Variants in ZNF484 observed in about 807,000 individuals in gnomAD.
The protein encoded by ZNF484 is zinc finger protein 484, also known as KRAB box containing C2H2 type zinc finger bA526D8.4.
In ZNF484, 11 loss-of-function variants were observed where a neutral mutation model predicts 12.9. That is an observed-to-expected ratio of 0.85 (90% CI 0.54 to 1.41). ZNF484 has a LOEUF of 1.41. ZNF484 is among the 40% of genes most tolerant of loss of function. The probability of loss-of-function intolerance (pLI) is 0.00; values close to 1 mark genes in which losing one functional copy is unlikely to be tolerated. For missense variants in ZNF484, 807 were observed against 1,007.7 expected, an observed-to-expected ratio of 0.80 and a Z score of 2.70; for synonymous variants, 289 against 334.1, an observed-to-expected ratio of 0.86 and a Z score of 1.47.
intron 2 of ZNF484, among the ~76,000 whole-genome samples, chr9:92,859,924 C>T (rs1856679607): frequency 6.6e-6 from 1 of 151,192 alleles, no homozygotes; most frequent in Admixed American, 6.6e-5. Flanking sequence ...ATGGACAGCA[C>T]TTACTTCTCC....
At chr9:92,869,263 A>G (rs1049732179) in intron 2 of ZNF484, among the ~76,000 whole-genome samples, 1 of 152,166 alleles carries the variant, frequency 6.6e-6, no homozygotes, top group Non-Finnish European at 1.5e-5. Context: ...TATAATATAT[A>G]TTGTACATGT....
rs1478647605 is a variant in ZNF484 at position 92,847,499 on chromosome 9, G to A, written c.1288C>T (p.His430Tyr). Residue 430 changes from histidine (H) to tyrosine (Y), a missense_variant, in exon 5 of 5, where the codon CAT becomes TAT. Coordinates refer to ENST00000375495, the MANE Select transcript of ZNF484 (RefSeq NM_031486.4). ...AFIRKSHFIT[H>Y]ERIHTGEKPY... Reference sequence around the variant, plus strand: ...TTTTCTCCAGTATGAATTCTTTCATGTGTGATAAAATGTGACTTCCGGATA... The same window carrying A: ...TTTTCTCCAGTATGAATTCTTTCATATGTGATAAAATGTGACTTCCGGATA... The A allele has an allele frequency of 1.2e-6, 2 of 1,612,904 alleles. No homozygotes were observed. The highest frequency in any genetic ancestry group is 2.2e-5 in the East Asian group (1 of 44,862).
chr9:92,856,333 A>C lies in ZNF484; in HGVS notation c.16-15T>G. 1.9e-6 allele frequency: 3 copies of C among 1,538,698 alleles called. No homozygotes were observed. The highest frequency in any genetic ancestry group is 2.3e-5 in the East Asian group (1 of 44,170). ...GACACTGATTCCTGTTAAAAAAAAA[A>C]AACAAACTTTAAAATAATTTTTTAA... On this transcript the variant is annotated splice_polypyrimidine_tract_variant and intron_variant, in intron 2 of 4. Coordinates refer to ENST00000375495, the MANE Select transcript of ZNF484 (RefSeq NM_031486.4).
Position 92,878,023 on chromosome 9 carries a change from G to A in ZNF484, c.-164C>T, listed in dbSNP as rs2118348696. On this transcript the variant is annotated 5_prime_UTR_variant, in exon 1 of 5. The change creates a premature stop within an existing upstream ORF in the 5' untranslated region. Coordinates refer to ENST00000375495, the MANE Select transcript of ZNF484 (RefSeq NM_031486.4). ...GCCTAGAGGTACTTCTTACAGCGCT[G>A]CCTGGGTTTGCGCATGCTCAGCAGT... is the stretch of plus-strand genomic sequence containing the variant. 1 of 652,228 alleles carries A rather than the reference G, an allele frequency of 1.5e-6. No homozygotes were observed. Among genetic ancestry groups the A allele is most frequent in the Non-Finnish European group, 2.5e-6 (1 of 393,078 alleles). 40.4% of individuals were successfully genotyped at this position (652,228 alleles called of 1,614,324 possible).
intron 1 of ZNF484, among the ~76,000 whole-genome samples, chr9:92,875,344 G>A (rs914435576): frequency 1.4e-4 from 21 of 152,124 alleles, no homozygotes; most frequent in African/African-American, 4.6e-4. Flanking sequence ...GTTCTATTAC[G>A]TTATTATACT....
intron 2 of ZNF484, among the ~76,000 whole-genome samples, chr9:92,861,213 A>G (rs187980679): frequency 8.5e-5 from 13 of 152,234 alleles, no homozygotes; most frequent in Non-Finnish European, 1.3e-4. Flanking sequence ...AGAAAACAGA[A>G]TCTCATAACA....
intron 4 of ZNF484, among the ~76,000 whole-genome samples, chr9:92,849,424 C>T (rs546613335): frequency 3.9e-5 from 6 of 151,942 alleles, no homozygotes; most frequent in Admixed American, 6.5e-5. Flanking sequence ...AATATTAATA[C>T]TAACATTTAT....
intron 2 of ZNF484, among the ~76,000 whole-genome samples, chr9:92,867,290 A>G (rs1294835996): frequency 6.6e-6 from 1 of 152,164 alleles, no homozygotes; most frequent in Non-Finnish European, 1.5e-5. Flanking sequence ...CCTCCTGGCT[A>G]ACACAGTGAA....
chr9:92,856,393 A>T, intron 2 of ZNF484, 75 bp from the exon 3 acceptor site: 1 of 1,237,732 alleles, frequency 8.1e-7, no homozygotes. Context: ...AAAACCTTTC[A>T]ATGTGAAGGA....
At position 92,846,363 on chromosome 9, in the gene ZNF484, G is replaced by A. The variant is rs1325104700; in HGVS notation, c.2424C>T (p.Asp808=). 1 of 1,614,130 alleles carries A rather than the reference G, an allele frequency of 6.2e-7. No homozygotes were observed. Among genetic ancestry groups the A allele is most frequent in the East Asian group, 2.2e-5 (1 of 44,880 alleles). The change falls in exon 5 of 5, where the codon GAC becomes GAT. Residue 808 remains aspartate (D), a synonymous_variant. Transcript: ENST00000375495. ...GCTTCCAGTTTAAGGCTTTCCCCAA[G>A]TCACTGCACTTATAGGGTTTCTGTT... is the stretch of plus-strand genomic sequence containing the variant. The part of the protein sequence containing the change: ...HTKQKPYKCS[D]LGKALNWKPQ...
chr9:92,871,561 T>C (rs1030798035), intron 2 of ZNF484, among the ~76,000 whole-genome samples: 54 of 152,116 alleles, frequency 3.5e-4, no homozygotes, highest in African/African-American at 1.2e-3. Context: ...CCGAAAGATA[T>C]ACACTTACAG....
rs1023000866 is a variant in ZNF484, at chr9:92,847,023, G to C, written c.1764C>G (p.Ala588=). 2 of 1,614,022 alleles carry C rather than the reference G, an allele frequency of 1.2e-6. No individual in the cohort carries two copies. The highest frequency in any genetic ancestry group is 1.7e-5 in the Admixed American group (1 of 60,002). Residue 588 remains alanine, a synonymous_variant, in exon 5 of 5, where the codon GCC becomes GCG. Coordinates refer to ENST00000375495, the MANE Select transcript of ZNF484 (RefSeq NM_031486.4). ...TAATAAAATGGGATTTGTGGAAGAAGGCCTTACCACATTCAGTGCAAACAT... is the reference window on the plus strand; with the variant it reads ...TAATAAAATGGGATTTGTGGAAGAACGCCTTACCACATTCAGTGCAAACAT... ...KPYVCTECGK[A]FFHKSHFITH...
intron 1 of ZNF484, among the ~76,000 whole-genome samples, chr9:92,875,830 A>G (rs1857767760): frequency 6.9e-6 from 1 of 145,134 alleles, no homozygotes; most frequent in Admixed American, 7.1e-5. Flanking sequence ...TGTATAGAAT[A>G]AATTTATAAA....
rs772972479 is a variant in ZNF484, at chr9:92,855,785, T to C, written c.235+26A>G. 5 of 1,608,036 alleles carry C rather than the reference T, an allele frequency of 3.1e-6. No homozygotes were observed. In the South Asian group the frequency reaches 3.3e-5, roughly 11 times the overall value. ...ACAAATGCAGCTGAGTCATACTGTC[T>C]ACCATGCTCTTGGTTCCCTTCTCAC... On this transcript the variant is annotated intron_variant, in intron 4 of 4. Transcript: ENST00000375495.
In ZNF484 at chr9:92,847,317, A is replaced by C. The variant is rs773927606; in HGVS notation, c.1470T>G (p.His490Gln). The change falls in exon 5 of 5, where the codon CAT becomes CAG. Residue 490 changes from histidine to glutamine, a missense_variant. His to Gln is a conservative substitution (Grantham distance 24). Transcript: ENST00000375495. Reference protein sequence around the residue: ...KTNLIIHQKIHTGERPYICTV... With the variant: ...KTNLIIHQKIQTGERPYICTV... Reference sequence around the variant, plus strand: ...TACATATATAGGGTCTTTCTCCTGTATGAATTTTCTGGTGTATAATGAGAT... The same window carrying C: ...TACATATATAGGGTCTTTCTCCTGTCTGAATTTTCTGGTGTATAATGAGAT... 1 of 1,613,708 alleles carries C rather than the reference A, an allele frequency of 6.2e-7. No homozygotes were observed. The highest frequency in any genetic ancestry group is 2.2e-5 in the East Asian group (1 of 44,874).
chr9:92,859,055 G>A (rs974337913), intron 2 of ZNF484, among the ~76,000 whole-genome samples: 2 of 152,160 alleles, frequency 1.3e-5, no homozygotes, highest in Non-Finnish European at 2.9e-5. Context: ...GAACCCAGGA[G>A]GTGGAGGTTG....
chr9:92,864,069 C>T (rs1856931446), intron 2 of ZNF484, among the ~76,000 whole-genome samples: 1 of 152,108 alleles, frequency 6.6e-6, no homozygotes, highest in Non-Finnish European at 1.5e-5. Context: ...ATGAAAAAAG[C>T]AAAAGACAGA....
rs115129821 is a variant in ZNF484, at chr9:92,852,028, C to T, written c.236-3477G>A. On this transcript the variant is annotated intron_variant, in intron 4 of 4. Transcript: ENST00000375495. ...TTAGTTTTTCTAGCCCTTTGAATTG[C>T]TCCTAAAAGAAAAATTTTAAAATCT... is the stretch of plus-strand genomic sequence containing the variant. Among the ~76,000 whole-genome samples the T allele has an allele frequency of 3.3e-3, 498 of 152,288 alleles. 1 individual carries two copies. Among genetic ancestry groups the T allele is most frequent in the African/African-American group, 0.011 (466 of 41,552 alleles).
At position 92,847,422 on chromosome 9, in the gene ZNF484, G is replaced by A. The variant is rs1855722157; in HGVS notation, c.1365C>T (p.Leu455=). 6.2e-7 allele frequency: 1 copy of A among 1,613,540 alleles called. No homozygotes were observed. Among genetic ancestry groups the A allele is most frequent in the Non-Finnish European group, 8.5e-7 (1 of 1,179,928 alleles). ...CTGTGTGAATTCGCTGATGCACATG[G>A]AGTTGTGATTTTTTAATAAAGGATT... ...CGKSFIKKSQ[L]HVHQRIHTGE... The change falls in exon 5 of 5, where the codon CTC becomes CTT. Residue 455 remains leucine (L), a synonymous_variant. Transcript: ENST00000375495.
Sources: allele counts gnomAD v4.1 joint callset (sites outside exome capture counted in the v4.1 genomes callset), GRCh38; gene constraint gnomAD v4.1.1; transcripts MANE v1.5; gene names NCBI Gene and HGNC (gene_info 2026-07-23, HGNC 2026-07-21).